Variants in ARK2C observed in about 807,000 individuals in gnomAD.
The protein encoded by ARK2C is E3 ubiquitin-protein ligase ARK2C.
At chr18:46,435,065 C>T in the ARK2C span, among the ~76,000 whole-genome samples, 55 of 152,208 alleles carry the variant, frequency 3.6e-4, no homozygotes, top group African/African-American at 1.3e-3. Context: ...GCGGGCAGCC[C>T]GGAGACAGCC....
chr18:46,418,766 A>C, the ARK2C span, among the ~76,000 whole-genome samples: 1 of 152,366 alleles, frequency 6.6e-6, no homozygotes, highest in Admixed American at 6.5e-5. Flanking sequence ...AAGAGCTATC[A>C]ACTGGCTATA....
the ARK2C span, among the ~76,000 whole-genome samples, chr18:46,400,388 G>T: frequency 1.3e-5 from 2 of 152,156 alleles, no homozygotes; most frequent in Non-Finnish European, 2.9e-5. Context: ...GCATAGATAT[G>T]GCTTTAAGAG....
At chr18:46,454,061 C>T in the ARK2C span, among the ~76,000 whole-genome samples, 3 of 127,880 alleles carry the variant, frequency 2.3e-5, no homozygotes, top group Non-Finnish European at 1.6e-5. Flanking sequence ...TGCAGTGAGC[C>T]GTGATTATAC....
the ARK2C span, among the ~76,000 whole-genome samples, chr18:46,360,925 A>G: frequency 1.3e-5 from 2 of 152,230 alleles, no homozygotes; most frequent in East Asian, 3.8e-4. Context: ...CCCCACAGCA[A>G]GTGACTTTCC....
chr18:46,378,614 C>A, the ARK2C span, among the ~76,000 whole-genome samples: 20 of 152,296 alleles, frequency 1.3e-4, no homozygotes, highest in South Asian at 2.3e-3. Flanking sequence ...GCAGGCAGGG[C>A]CACTGTTTAT....
At chr18:46,364,788 A>G in the ARK2C span, among the ~76,000 whole-genome samples, 8 of 152,182 alleles carry the variant, frequency 5.3e-5, no homozygotes, top group East Asian at 1.5e-3. Context: ...CCGAGGTCAT[A>G]GAACCTGCAG....
the ARK2C span, among the ~76,000 whole-genome samples, chr18:46,355,675 G>A: frequency 6.6e-6 from 1 of 152,176 alleles, no homozygotes; most frequent in South Asian, 2.1e-4. Context: ...ATCTCTAAGT[G>A]CCCCTGGCTG....
chr18:46,359,604 A>G, the ARK2C span, among the ~76,000 whole-genome samples: 4 of 152,240 alleles, frequency 2.6e-5, no homozygotes, highest in African/African-American at 9.6e-5. Flanking sequence ...CTGAAAGCCC[A>G]TGTATGAGCT....
the ARK2C span, among the ~76,000 whole-genome samples, chr18:46,395,011 C>T: frequency 5.9e-5 from 9 of 152,206 alleles, no homozygotes; most frequent in Non-Finnish European, 1.0e-4. Context: ...CAGCTTCTTT[C>T]GGACCAAGAA....
the ARK2C span, among the ~76,000 whole-genome samples, chr18:46,364,127 T>C: frequency 1.2e-4 from 18 of 151,832 alleles, no homozygotes; most frequent in South Asian, 3.6e-3. Flanking sequence ...TTTGTGTTTT[T>C]AATAGAACTG....
At chr18:46,393,445 C>T in the ARK2C span, among the ~76,000 whole-genome samples, 1,335 of 152,292 alleles carry the variant, frequency 8.8e-3, 13 homozygotes, top group African/African-American at 0.03. Context: ...GCGCTGTTTC[C>T]TCTTCTGGCC....
chr18:46,456,955 C>T, the ARK2C span: 8 of 366,470 alleles, frequency 2.2e-5, no homozygotes, highest in East Asian at 3.7e-4. Flanking sequence ...CACTAGCTGA[C>T]AGACGGGCCC....
At chr18:46,372,962 A>G in the ARK2C span, among the ~76,000 whole-genome samples, 2 of 151,976 alleles carry the variant, frequency 1.3e-5, no homozygotes, top group South Asian at 4.2e-4. Flanking sequence ...CATCAGCCTC[A>G]CTCAGGGAGG....
the ARK2C span, chr18:46,456,499 C>G: frequency 6.3e-7 from 1 of 1,578,210 alleles, no homozygotes; most frequent in Non-Finnish European, 8.7e-7. Context: ...GGGCCTCTGA[C>G]TCTCCCTCCT....
chr18:46,348,973 T>C, the ARK2C span, among the ~76,000 whole-genome samples: 1 of 151,654 alleles, frequency 6.6e-6, no homozygotes, highest in East Asian at 1.9e-4. Flanking sequence ...ACCTTGAACT[T>C]GGTTGCATGG....
At chr18:46,345,193 C>T in the ARK2C span, among the ~76,000 whole-genome samples, 43 of 152,044 alleles carry the variant, frequency 2.8e-4, no homozygotes, top group Non-Finnish European at 4.3e-4. Flanking sequence ...AGGAAGTTTG[C>T]GCCCGCTGGA....
At chr18:46,447,710 G>T in the ARK2C span, 1 of 1,614,074 alleles carries the variant, frequency 6.2e-7, no homozygotes, top group South Asian at 1.1e-5. Flanking sequence ...AAAGAAGACG[G>T]ACTCCCTTGC....
chr18:46,404,567 A>G, the ARK2C span, among the ~76,000 whole-genome samples: 2 of 152,186 alleles, frequency 1.3e-5, no homozygotes, highest in African/African-American at 4.8e-5. Flanking sequence ...CAGCCTGACT[A>G]ACATGGTGAA....
the ARK2C span, among the ~76,000 whole-genome samples, chr18:46,338,700 A>G: frequency 1.3e-5 from 2 of 152,172 alleles, no homozygotes; most frequent in African/African-American, 4.8e-5. Flanking sequence ...GCCATTTGTC[A>G]ATTACACCTA....
Sources: allele counts gnomAD v4.1 joint callset (sites outside exome capture counted in the v4.1 genomes callset), GRCh38; gene constraint gnomAD v4.1.1; transcripts MANE v1.5; gene names NCBI Gene and HGNC (gene_info 2026-07-23, HGNC 2026-07-21).